Variants in ZYG11B observed in about 807,000 individuals in gnomAD.
The protein encoded by ZYG11B is zyg-11 family member B, cell cycle regulator, also known as protein zyg-11 homolog B.
A neutral mutation model predicts 82.4 loss-of-function variants in ZYG11B; 36 were observed. The ratio of observed to expected loss-of-function variants is 0.44; its 90% CI spans 0.33 to 0.58. The LOEUF is 0.58. Ranked by LOEUF, ZYG11B falls within the 20% of genes least tolerant of loss-of-function variation. ZYG11B has a pLI of 0.02. For missense variants in ZYG11B, 552 were observed against 895.6 expected, an observed-to-expected ratio of 0.62 and a Z score of 4.90; for synonymous variants, 303 against 312.8, an observed-to-expected ratio of 0.97 and a Z score of 0.33.
At chr1:52,774,871 C>CA (rs1330801051) in intron 3 of ZYG11B, among the ~76,000 whole-genome samples, 2 of 152,154 alleles carry the variant, frequency 1.3e-5, no homozygotes, top group East Asian at 3.9e-4. Flanking sequence ...AGAATTCTTA[C>CA]ATTTGTTGGC....
chr1:52,817,507 C>T (rs760405039), intron 13 of ZYG11B, among the ~76,000 whole-genome samples: 10 of 151,244 alleles, frequency 6.6e-5, no homozygotes, highest in Non-Finnish European at 1.2e-4. Context: ...CCTCCTGCCT[C>T]AGCTTGTAGC....
intron 10 of ZYG11B, among the ~76,000 whole-genome samples, chr1:52,803,143 T>TATATATATACACAC (rs1558140216): frequency 2.7e-5 from 2 of 72,776 alleles, no homozygotes; most frequent in Non-Finnish European, 4.7e-5. Context: ...TACACACATA[T>TATATATATACACAC]ATATATATAT....
Position 52,822,624 on chromosome 1 carries a change from C to T in ZYG11B, c.*995C>T, listed in dbSNP as rs1309421694. On this transcript the variant is annotated 3_prime_UTR_variant, in exon 14 of 14. Transcript: ENST00000294353. ...AAATTTTGCCATAAAAAGTTAAAAT[C>T]TCTTGTTCAAAATATGTGTATCTTC... 1 of 152,122 alleles carries T rather than the reference C, an allele frequency of 6.6e-6. No individual in the cohort carries two copies. 9.4% of individuals were successfully genotyped at this position (152,122 alleles called of 1,614,324 possible).
At position 52,816,629 on chromosome 1, in the gene ZYG11B, C is replaced by A; in HGVS notation, c.2044C>A (p.Pro682Thr). The change falls in exon 13 of 14, where the codon CCT (proline) becomes ACT (threonine). Residue 682 changes from proline to threonine, a missense_variant and splice_region_variant. Around this residue, in one of 3 missense-constraint regions of ZYG11B, gnomAD observed 127 missense variants for 163.4 expected, o/e 0.78. Coordinates refer to ENST00000294353, the MANE Select transcript of ZYG11B (RefSeq NM_024646.3). ...WAMQHVCSKN[P>T]SRYCSMLIEE... is the part of the protein sequence containing the mutation. ...CATGCAACATGTCTGCAGCAAGAATCGTATGTACCAAAAAAAAAGAACTGT... is the reference window on the plus strand; with the variant it reads ...CATGCAACATGTCTGCAGCAAGAATAGTATGTACCAAAAAAAAAGAACTGT... 6.3e-7 allele frequency: 1 copy of A among 1,590,122 alleles called. No homozygotes were observed. Among genetic ancestry groups the A allele is most frequent in the Non-Finnish European group, 8.6e-7 (1 of 1,169,396 alleles).
chr1:52,726,566 T>TCGCCGGAGCCTCCTGGAGCCTCCG lies in ZYG11B; in HGVS notation c.-81_-58dup. The TCGCCGGAGCCTCCTGGAGCCTCCG allele has an allele frequency of 7.8e-7, 1 of 1,286,394 alleles. No individual in the cohort carries two copies. Among genetic ancestry groups the TCGCCGGAGCCTCCTGGAGCCTCCG allele is most frequent in the Non-Finnish European group, 9.9e-7 (1 of 1,008,116 alleles). The allele number at this position is 1,286,394 out of a possible 1,614,324, so 79.7% of individuals were successfully genotyped here. A position where few individuals can be genotyped will look rare whatever the true frequency, so the allele number is the denominator to read the frequency against. On this transcript the variant is annotated 5_prime_UTR_variant, in exon 1 of 14. Transcript: ENST00000294353. ...CCTGGGCCAAGCCCGGAGCCGCCGC[T>TCGCCGGAGCCTCCTGGAGCCTCCG]CGCCGGAGCCTCCTGGAGCCTCCGC...
At chr1:52,798,213 T>TG (rs1247659362) in intron 8 of ZYG11B, among the ~76,000 whole-genome samples, 3 of 152,106 alleles carry the variant, frequency 2.0e-5, no homozygotes, top group Non-Finnish European at 2.9e-5. Flanking sequence ...TTAACAGAAA[T>TG]GGAAAAAGCC....
At chr1:52,751,731 T>C (rs910150957) in intron 1 of ZYG11B, among the ~76,000 whole-genome samples, 1 of 152,124 alleles carries the variant, frequency 6.6e-6, no homozygotes, top group Non-Finnish European at 1.5e-5. Flanking sequence ...AAAAGAGTTT[T>C]TGTATGCTAA....
intron 10 of ZYG11B, among the ~76,000 whole-genome samples, chr1:52,811,833 A>T (rs1645186148): frequency 6.6e-6 from 1 of 152,118 alleles, no homozygotes; most frequent in Non-Finnish European, 1.5e-5. Context: ...AATTGAGACC[A>T]TCCTGGCTAA....
intron 13 of ZYG11B, 100 bp downstream of exon 13, chr1:52,816,729 G>C: frequency 1.5e-6 from 1 of 679,518 alleles, no homozygotes; most frequent in Non-Finnish European, 2.4e-6. Flanking sequence ...TGATTTTTAA[G>C]AACACTGACT....
At chr1:52,766,109 A>ATT (rs140243986) in intron 2 of ZYG11B, among the ~76,000 whole-genome samples, 2 of 142,954 alleles carry the variant, frequency 1.4e-5, no homozygotes, top group African/African-American at 5.3e-5. Context: ...TCCTTATTAA[A>ATT]TTTTTTTTAA....
intron 10 of ZYG11B, among the ~76,000 whole-genome samples, chr1:52,807,043 A>C (rs1161059982): frequency 6.6e-6 from 1 of 151,492 alleles, no homozygotes; most frequent in African/African-American, 2.4e-5. Context: ...AAATTTTTGT[A>C]TTTTTAGTAG....
rs1644943565 is a variant in ZYG11B, at chr1:52,790,029, T to C, written c.1296T>C (p.Leu432=). The C allele has an allele frequency of 6.3e-7, 1 of 1,594,114 alleles. No individual in the cohort carries two copies. Residue 432 remains leucine, a synonymous_variant, in exon 6 of 14, where the codon CTT becomes CTC. Coordinates refer to ENST00000294353, the MANE Select transcript of ZYG11B (RefSeq NM_024646.3). The part of the protein sequence containing the change: ...QQLQKNCLLS[L]CSDRILQDVP... ...TACAGAAGAATTGCCTCCTTTCACT[T>C]TGCAGTGACCGGATCCTTCAAGATG...
At chr1:52,737,608 A>T (rs537323373) in intron 1 of ZYG11B, among the ~76,000 whole-genome samples, 1 of 152,162 alleles carries the variant, frequency 6.6e-6, no homozygotes, top group South Asian at 2.1e-4. Flanking sequence ...TCTACTAAAA[A>T]TACAAAAATC....
intron 1 of ZYG11B, among the ~76,000 whole-genome samples, chr1:52,737,483 A>G (rs180855120): frequency 1.7e-3 from 265 of 152,196 alleles, no homozygotes; most frequent in South Asian, 3.7e-3. Flanking sequence ...GAACTGAACA[A>G]TATTGGCTGG....
At chr1:52,774,197 T>C (rs920343455) in intron 3 of ZYG11B, among the ~76,000 whole-genome samples, 2 of 151,508 alleles carry the variant, frequency 1.3e-5, no homozygotes, top group Admixed American at 1.3e-4. Context: ...TGGAGTACAG[T>C]GGGCATGAAC....
intron 1 of ZYG11B, among the ~76,000 whole-genome samples, chr1:52,736,152 T>C (rs142794096): frequency 1.3e-5 from 2 of 152,216 alleles, no homozygotes; most frequent in Non-Finnish European, 2.9e-5. Context: ...CAGATTGTAC[T>C]GCACAATTCA....
chr1:52,752,485 GTTA>G (rs1558121465), intron 1 of ZYG11B, among the ~76,000 whole-genome samples: 8 of 152,180 alleles, frequency 5.3e-5, no homozygotes, highest in Admixed American at 4.6e-4. Flanking sequence ...TTGGCCATTG[GTTA>G]TTAACAACTT....
intron 6 of ZYG11B, among the ~76,000 whole-genome samples, chr1:52,793,307 T>C (rs1041740412): frequency 4.0e-5 from 6 of 151,576 alleles, no homozygotes; most frequent in Non-Finnish European, 8.8e-5. Flanking sequence ...TCAGGAGTTC[T>C]AGAGCAGCCT....
chr1:52,752,195 C>T (rs975694580), intron 1 of ZYG11B, among the ~76,000 whole-genome samples: 6 of 152,266 alleles, frequency 3.9e-5, no homozygotes, highest in East Asian at 1.9e-4. Flanking sequence ...CCACACCTCC[C>T]TCCCTGGGTT....
Sources: allele counts gnomAD v4.1 joint callset (sites outside exome capture counted in the v4.1 genomes callset), GRCh38; gene constraint gnomAD v4.1.1; regional missense constraint gnomAD v4.1.1; transcripts MANE v1.5; gene names NCBI Gene and HGNC (gene_info 2026-07-23, HGNC 2026-07-21).